SCARA5: variants seen among roughly 807,000 people sequenced by gnomAD.
The protein encoded by SCARA5 is scavenger receptor class A member 5.
Under a neutral mutation model 46.3 loss-of-function variants are expected in SCARA5, and 45 were observed. The observed-to-expected ratio is 0.97, with a 90% CI of 0.76 to 1.24. The LOEUF (loss-of-function observed/expected upper bound fraction) is 1.24. Ranked by LOEUF, SCARA5 falls within the 50% of genes most tolerant of loss-of-function variation. The pLI, the probability that SCARA5 is intolerant of heterozygous loss-of-function variation, is 0.00. For missense variants in SCARA5, 680 were observed against 689.0 expected (o/e 0.99, Z 0.15); for synonymous variants, 333 against 306.5 (o/e 1.09, Z -0.90).
chr8:27,877,081 C>G (rs1174912503), intron 8 of SCARA5, among the ~76,000 whole-genome samples: 1 of 152,184 alleles, frequency 6.6e-6, no homozygotes, highest in Non-Finnish European at 1.5e-5. Flanking sequence ...CTCTGCCCCC[C>G]AGCCCTGCAG....
intron 4 of SCARA5, among the ~76,000 whole-genome samples, chr8:27,920,715 G>A (rs1807569243): frequency 6.6e-6 from 1 of 152,078 alleles, no homozygotes; most frequent in Non-Finnish European, 1.5e-5. Flanking sequence ...GGAAGGCTAA[G>A]GCAGGAGGAT....
chr8:27,944,991 C>A (rs1183563901), intron 3 of SCARA5, among the ~76,000 whole-genome samples: 1 of 152,086 alleles, frequency 6.6e-6, no homozygotes. Context: ...CATGGCAAAA[C>A]CATCTCTACT....
chr8:27,879,400 G>A (rs1806772813), intron 8 of SCARA5, among the ~76,000 whole-genome samples, 169 bp downstream of exon 8: 1 of 152,056 alleles, frequency 6.6e-6, no homozygotes, highest in African/African-American at 2.4e-5. Context: ...GATGACCACC[G>A]GAGATGGTTG....
At chr8:27,931,620 G>A (rs1276560033) in intron 3 of SCARA5, among the ~76,000 whole-genome samples, 2 of 152,114 alleles carry the variant, frequency 1.3e-5, no homozygotes, top group African/African-American at 4.8e-5. Context: ...TGGCAGCAAG[G>A]AAACAGCTTT....
intron 3 of SCARA5, among the ~76,000 whole-genome samples, chr8:27,934,097 C>A (rs1042715711): frequency 5.9e-5 from 9 of 152,170 alleles, no homozygotes; most frequent in African/African-American, 2.2e-4. Flanking sequence ...AGCTGATTGT[C>A]AGCTGTCCCC....
chr8:27,912,552 C>T (rs1454542812), intron 4 of SCARA5, among the ~76,000 whole-genome samples: 2 of 152,222 alleles, frequency 1.3e-5, no homozygotes, highest in African/African-American at 4.8e-5. Context: ...AAATGCGTTC[C>T]ACTACCCCTT....
At chr8:27,987,106 G>A (rs879275811) in intron 2 of SCARA5, among the ~76,000 whole-genome samples, 1 of 152,240 alleles carries the variant, frequency 6.6e-6, no homozygotes, top group Non-Finnish European at 1.5e-5. Context: ...TGCCCCTCAC[G>A]AGTGCTTCAG....
intron 2 of SCARA5, among the ~76,000 whole-genome samples, chr8:27,971,122 G>T (rs1220647302): frequency 1.3e-5 from 2 of 152,234 alleles, no homozygotes; most frequent in Admixed American, 1.3e-4. Flanking sequence ...CAAAATATTT[G>T]TTGAGAGATT....
intron 3 of SCARA5, among the ~76,000 whole-genome samples, chr8:27,931,853 C>A (rs973938397): frequency 3.9e-5 from 6 of 152,124 alleles, no homozygotes; most frequent in African/African-American, 7.2e-5. Flanking sequence ...CGCGTTCCAC[C>A]ATGTTGGCTA....
At chr8:27,933,349 C>A (rs1807807044) in intron 3 of SCARA5, among the ~76,000 whole-genome samples, 1 of 151,824 alleles carries the variant, frequency 6.6e-6, no homozygotes, top group South Asian at 2.1e-4. Flanking sequence ...TTGTGAAGCC[C>A]CGCCTCTACA....
rs76619270 is a variant in SCARA5 at position 27,942,205 on chromosome 8, G to A, written c.242-19960C>T. ...CATTAGCCAGTGACAGCCAGGCCTC[G>A]AGACTGAGTCTTGCAGCCCCAAGTC... On this transcript the variant is annotated intron_variant, in intron 3 of 8. Coordinates refer to ENST00000354914, the MANE Select transcript of SCARA5 (RefSeq NM_173833.6). Among the ~76,000 whole-genome samples, 1,249 of 152,196 alleles carry A rather than the reference G, an allele frequency of 8.2e-3. 6 individuals are homozygous for A. Among genetic ancestry groups the A allele is most frequent in the Middle Eastern group, 0.024 (7 of 294 alleles).
intron 5 of SCARA5, among the ~76,000 whole-genome samples, chr8:27,908,664 C>T (rs1490212586): frequency 6.6e-6 from 1 of 152,174 alleles, no homozygotes; most frequent in Non-Finnish European, 1.5e-5. Context: ...TTCCCAGAGT[C>T]CAACAGCTCC....
intron 7 of SCARA5, chr8:27,904,399 C>A (rs977922220): frequency 5.1e-6 from 2 of 392,002 alleles, no homozygotes; most frequent in South Asian, 8.6e-5. Flanking sequence ...TGATCATAAG[C>A]ACTTTACACA....
intron 2 of SCARA5, among the ~76,000 whole-genome samples, chr8:27,985,606 A>C (rs1808693855): frequency 6.6e-6 from 1 of 152,200 alleles, no homozygotes; most frequent in Non-Finnish European, 1.5e-5. Context: ...AACCCCCTGC[A>C]TCCCCATTTG....
chr8:27,927,265 C>T (rs1807695046), intron 3 of SCARA5, among the ~76,000 whole-genome samples: 1 of 152,172 alleles, frequency 6.6e-6, no homozygotes, highest in Non-Finnish European at 1.5e-5. Flanking sequence ...GCTCCCTGAG[C>T]AGGAAACTGG....
chr8:27,957,601 A>T (rs1808225356), intron 3 of SCARA5, among the ~76,000 whole-genome samples: 1 of 152,174 alleles, frequency 6.6e-6, no homozygotes, highest in African/African-American at 2.4e-5. Flanking sequence ...TCTGCCTCAG[A>T]CCAGGAGGCT....
intron 8 of SCARA5, among the ~76,000 whole-genome samples, chr8:27,875,135 C>T (rs1441315912): frequency 1.3e-5 from 2 of 152,102 alleles, no homozygotes; most frequent in African/African-American, 2.4e-5. Flanking sequence ...ATTCTTCCTT[C>T]CTCGCTCCCT....
At chr8:27,978,905 C>T (rs1808569526) in intron 2 of SCARA5, among the ~76,000 whole-genome samples, 1 of 152,070 alleles carries the variant, frequency 6.6e-6, no homozygotes, top group Admixed American at 6.6e-5. Context: ...CCTCTTACAC[C>T]CTCCTATCCT....
intron 3 of SCARA5, among the ~76,000 whole-genome samples, chr8:27,926,902 A>T (rs889146226): frequency 6.6e-6 from 1 of 152,180 alleles, no homozygotes; most frequent in Non-Finnish European, 1.5e-5. Flanking sequence ...GTCTCTTCTC[A>T]TGATGTCCCT....
Sources: gnomAD v4.1 joint callset for allele counts (sites outside exome capture counted in the v4.1 genomes callset) on GRCh38, gnomAD v4.1.1 for gene constraint, MANE v1.5 for transcripts, NCBI Gene and HGNC (gene_info 2026-07-23, HGNC 2026-07-21) for gene names.